The following PPM1H variants were observed in gnomAD, a reference collection of about 807,000 sequenced individuals.
The protein encoded by PPM1H is protein phosphatase, Mg2+/Mn2+ dependent 1H, also known as protein phosphatase 1H.
Under a neutral mutation model 54.9 loss-of-function variants are expected in PPM1H, and 27 were observed. The ratio of observed to expected loss-of-function variants is 0.49; its 90% CI spans 0.36 to 0.68. The LOEUF (loss-of-function observed/expected upper bound fraction) is 0.68. Ranked by LOEUF, PPM1H falls within the 30% of genes least tolerant of loss-of-function variation. PPM1H has a pLI of 0.00. For missense variants in PPM1H, 596 were observed against 667.8 expected (o/e 0.89, Z 1.19); for synonymous variants, 305 against 270.8 (o/e 1.13, Z -1.24).
intron 2 of PPM1H, among the ~76,000 whole-genome samples, chr12:62,806,631 T>G (rs985581502): frequency 1.3e-5 from 2 of 152,096 alleles, no homozygotes; most frequent in Non-Finnish European, 2.9e-5. Flanking sequence ...TGTTTAAAAG[T>G]GTGTAGCACC....
At chr12:62,772,220 T>C (rs1303620420) in intron 4 of PPM1H, among the ~76,000 whole-genome samples, 3 of 152,216 alleles carry the variant, frequency 2.0e-5, no homozygotes, top group Non-Finnish European at 4.4e-5. Context: ...CTCATTAATA[T>C]AACAGTTCTG....
chr12:62,695,534 T>TC (rs1276961505), intron 6 of PPM1H, among the ~76,000 whole-genome samples: 1 of 152,062 alleles, frequency 6.6e-6, no homozygotes, highest in Non-Finnish European at 1.5e-5. Flanking sequence ...ACTGTTTCCT[T>TC]CCCCCAAATC....
intron 5 of PPM1H, among the ~76,000 whole-genome samples, chr12:62,732,261 T>C (rs2076325640): frequency 6.6e-6 from 1 of 152,154 alleles, no homozygotes; most frequent in Non-Finnish European, 1.5e-5. Context: ...AAAGTTCACA[T>C]TACCCAGAGA....
chr12:62,889,274 A>G (rs1281243943), intron 1 of PPM1H, among the ~76,000 whole-genome samples: 3 of 152,196 alleles, frequency 2.0e-5, no homozygotes, highest in African/African-American at 7.2e-5. Flanking sequence ...ACTGATCCTA[A>G]AGTTTAAATG....
At chr12:62,920,724 A>C (rs17098575) in intron 1 of PPM1H, among the ~76,000 whole-genome samples, 7,382 of 151,822 alleles carry the variant, frequency 0.049, 228 homozygotes, top group Middle Eastern at 0.092. Context: ...CTTATAGGCT[A>C]TTCATAGTCA....
chr12:62,670,525 C>T (rs897196468), intron 8 of PPM1H, among the ~76,000 whole-genome samples: 1 of 152,132 alleles, frequency 6.6e-6, no homozygotes, highest in Non-Finnish European at 1.5e-5. Context: ...CTTTAAAGTG[C>T]TTCCTGCTGA....
At chr12:62,779,656 G>A (rs184956347) in intron 4 of PPM1H, among the ~76,000 whole-genome samples, 69 of 152,288 alleles carry the variant, frequency 4.5e-4, no homozygotes, top group Admixed American at 3.6e-3. Context: ...CAGAAAACAT[G>A]AGATTGGCTC....
intron 4 of PPM1H, among the ~76,000 whole-genome samples, chr12:62,766,972 C>T (rs536603931): frequency 3.7e-4 from 56 of 152,320 alleles, no homozygotes; most frequent in African/African-American, 1.2e-3. Context: ...AGTTACACCA[C>T]CAGCCAAGCA....
chr12:62,711,998 G>A (rs1193803126), intron 6 of PPM1H, among the ~76,000 whole-genome samples: 1 of 152,184 alleles, frequency 6.6e-6, no homozygotes, highest in Non-Finnish European at 1.5e-5. Flanking sequence ...AGCAGGGCCC[G>A]CTTTCTTCCC....
intron 5 of PPM1H, among the ~76,000 whole-genome samples, chr12:62,722,309 C>T (rs543372019): frequency 6.6e-6 from 1 of 152,254 alleles, no homozygotes; most frequent in African/African-American, 2.4e-5. Context: ...TTAGGGGTTA[C>T]CATGTGCCAG....
intron 4 of PPM1H, among the ~76,000 whole-genome samples, chr12:62,741,185 T>G (rs2076379379): frequency 6.6e-6 from 1 of 151,844 alleles, no homozygotes; most frequent in South Asian, 2.1e-4. Flanking sequence ...CATTCTAGAC[T>G]CCTCCCTTTT....
intron 3 of PPM1H, among the ~76,000 whole-genome samples, chr12:62,793,622 G>A (rs1160910080): frequency 1.3e-5 from 2 of 151,678 alleles, no homozygotes; most frequent in Non-Finnish European, 2.9e-5. Context: ...TACTCGGGAG[G>A]TTGAGGCAGG....
chr12:62,780,586 A>G (rs1565786578), intron 4 of PPM1H, among the ~76,000 whole-genome samples: 1 of 152,228 alleles, frequency 6.6e-6, no homozygotes, highest in Non-Finnish European at 1.5e-5. Context: ...GATTACAGAC[A>G]TGAGCCACCG....
intron 1 of PPM1H, among the ~76,000 whole-genome samples, chr12:62,927,505 C>T (rs1442125541): frequency 1.3e-5 from 2 of 151,230 alleles, no homozygotes; most frequent in Non-Finnish European, 3.0e-5. Context: ...ACTAAAAATA[C>T]AAAAAAATTA....
chr12:62,656,461 C>G lies in PPM1H; in HGVS notation c.1398-7825G>C, dbSNP rs995884890. 2.0e-5 allele frequency among the ~76,000 whole-genome samples: 3 copies of G among 152,306 alleles called. No individual in the cohort carries two copies. The East Asian group carries it at 5.8e-4, about 29-fold the overall frequency. On this transcript the variant is annotated intron_variant, in intron 9 of 9. Coordinates refer to ENST00000228705, the MANE Select transcript of PPM1H (RefSeq NM_020700.2). ...CCCCAGGAGTTTTGTCATAAGTCAT[C>G]TACGTCTTATAGTCTGTTTTCTGAA...
chr12:62,727,512 G>A (rs779678371), intron 5 of PPM1H, among the ~76,000 whole-genome samples: 1 of 151,878 alleles, frequency 6.6e-6, no homozygotes, highest in African/African-American at 2.4e-5. Context: ...GCTGCATGTG[G>A]TTTTTAAAAC....
chr12:62,907,868 C>G (rs76468194), intron 1 of PPM1H, among the ~76,000 whole-genome samples: 1,639 of 152,274 alleles, frequency 0.011, 24 homozygotes, highest in African/African-American at 0.038. Flanking sequence ...CCTTCTCCCC[C>G]TCATGGCTGT....
At chr12:62,659,236 T>G in intron 9 of PPM1H, 1 of 487,292 alleles carries the variant, frequency 2.1e-6, no homozygotes, top group Non-Finnish European at 3.8e-6. Context: ...ACAGCTCATG[T>G]GCACATTGTG....
intron 1 of PPM1H, among the ~76,000 whole-genome samples, chr12:62,860,448 T>C (rs1405872905): frequency 6.6e-6 from 1 of 152,110 alleles, no homozygotes; most frequent in East Asian, 1.9e-4. Flanking sequence ...TCTTAATATA[T>C]ATCCATTTAA....
Sources: gnomAD v4.1 joint callset for allele counts (sites outside exome capture counted in the v4.1 genomes callset) on GRCh38, gnomAD v4.1.1 for gene constraint, MANE v1.5 for transcripts, NCBI Gene and HGNC (gene_info 2026-07-23, HGNC 2026-07-21) for gene names.